The following UGT1A4 variants were observed in gnomAD, a reference collection of about 807,000 sequenced individuals.
UGT1A4 encodes the protein UDP glucuronosyltransferase family 1 member A4.
In UGT1A4, 32 loss-of-function variants were observed where a neutral mutation model predicts 41.1. The observed-to-expected ratio is 0.78, with a 90% confidence interval of 0.59 to 1.05. UGT1A4 has a LOEUF of 1.05. UGT1A4 is among the 50% of genes least tolerant of loss of function. UGT1A4 has a pLI of 0.00. For synonymous variants in UGT1A4, 283 were observed against 265.1 expected (o/e 1.07, Z -0.66); for missense variants, 748 against 677.4 (o/e 1.10, Z -1.16).
chr2:233,763,832 A>C (rs1698407491), intron 1 of UGT1A4, among the ~76,000 whole-genome samples: 2 of 152,232 alleles, frequency 1.3e-5, no homozygotes, highest in South Asian at 4.1e-4. Context: ...CTCCCCTGCC[A>C]GGGTAAGATA....
chr2:233,745,337 C>G lies in UGT1A4; in HGVS notation c.868-21697C>G, dbSNP rs1050113231. Reference sequence around the variant, plus strand: ...TCCACTAGAACTGCTATATCATGACCATGAATTTTGGGGGAATTTTTTTGA... The same window carrying G: ...TCCACTAGAACTGCTATATCATGACGATGAATTTTGGGGGAATTTTTTTGA... On this transcript the variant is annotated intron_variant, in intron 1 of 4. Coordinates refer to ENST00000373409, the MANE Select transcript of UGT1A4 (RefSeq NM_007120.3). 2.3e-4 allele frequency among the ~76,000 whole-genome samples: 35 copies of G among 151,944 alleles called. 1 individual carries two copies. Among genetic ancestry groups the G allele is most frequent in the African/African-American group, 8.2e-4 (34 of 41,228 alleles).
chr2:233,736,822 C>T (rs1336018032), intron 1 of UGT1A4, among the ~76,000 whole-genome samples: 1 of 152,216 alleles, frequency 6.6e-6, no homozygotes, highest in Non-Finnish European at 1.5e-5. Flanking sequence ...ACTCCAGATG[C>T]TCTTTGCTTT....
At chr2:233,765,091 C>T (rs1473276364) in intron 1 of UGT1A4, among the ~76,000 whole-genome samples, 1 of 152,110 alleles carries the variant, frequency 6.6e-6, no homozygotes, top group Non-Finnish European at 1.5e-5. Context: ...TCTAGGGTGA[C>T]CAGCATCCTG....
At chr2:233,759,644 C>A (rs34916116) in intron 1 of UGT1A4, among the ~76,000 whole-genome samples, 5,494 of 124,518 alleles carry the variant, frequency 0.044, 131 homozygotes, top group Non-Finnish European at 0.061. Flanking sequence ...TAGCATGCTT[C>A]ACGATTTCTA....
At chr2:233,771,613 G>GT (rs1296922590) in intron 4 of UGT1A4, 10 of 152,180 alleles carry the variant, frequency 6.6e-5, no homozygotes, top group Non-Finnish European at 1.2e-4. Flanking sequence ...AATTTCTGAC[G>GT]TGACATTTTC....
At chr2:233,758,324 A>G (rs1465079880) in intron 1 of UGT1A4, among the ~76,000 whole-genome samples, 5 of 152,226 alleles carry the variant, frequency 3.3e-5, no homozygotes, top group Admixed American at 3.3e-4. Context: ...AAGCAGCCTC[A>G]AAAAGCTTGG....
At chr2:233,727,866 T>A (rs1246200452) in intron 1 of UGT1A4, among the ~76,000 whole-genome samples, 1 of 152,128 alleles carries the variant, frequency 6.6e-6, no homozygotes, top group Non-Finnish European at 1.5e-5. Flanking sequence ...AAGGGAAGCC[T>A]CAGCCTCACC....
intron 1 of UGT1A4, among the ~76,000 whole-genome samples, chr2:233,752,099 T>C (rs947761592): frequency 1.3e-5 from 2 of 152,204 alleles, no homozygotes; most frequent in Admixed American, 1.3e-4. Context: ...AGACAGAAAG[T>C]AGAATCAGAG....
Position 233,744,040 on chromosome 2 carries a change from C to A in UGT1A4, c.868-22994C>A. 9 of 766,390 alleles carry A rather than the reference C, an allele frequency of 1.2e-5. No individual in the cohort carries two copies. In the South Asian group the frequency reaches 1.4e-4, roughly 12 times the overall value. 47.5% of individuals were successfully genotyped at this position (766,390 alleles called of 1,614,324 possible). On this transcript the variant is annotated intron_variant, in intron 1 of 4. Transcript: ENST00000373409. ...TGGAGAGACGCCCCTTATGACGCAG[C>A]CACATCTCATTGGTCGAGGCCTATG...
intron 1 of UGT1A4, chr2:233,754,923 C>G (rs1466218732): frequency 7.4e-7 from 1 of 1,349,888 alleles, no homozygotes; most frequent in Non-Finnish European, 9.9e-7. Flanking sequence ...CAGCGGGTTT[C>G]CCAAGAGGTC....
In UGT1A4 at chr2:233,771,027, G is replaced by C. The variant is rs186703216; in HGVS notation, c.1308-1235G>C. On this transcript the variant is annotated intron_variant, in intron 4 of 4. Transcript: ENST00000373409. ...CAAAAGCAGGAGCGAGAGAGAGTTG[G>C]GGGGGAAGGTGCCACACACTTTTTA... is the stretch of plus-strand genomic sequence containing the variant. The C allele has an allele frequency of 5.9e-5, 9 of 152,196 alleles. No homozygotes were observed. The East Asian group carries it at 1.4e-3, about 23-fold the overall frequency. The allele number at this position is 152,196 out of a possible 1,614,324, so 9.4% of individuals were successfully genotyped here. A position where few individuals can be genotyped will look rare whatever the true frequency, so the allele number is the denominator to read the frequency against.
chr2:233,733,686 T>A (rs1338920576), intron 1 of UGT1A4, among the ~76,000 whole-genome samples: 1 of 152,244 alleles, frequency 6.6e-6, no homozygotes, highest in African/African-American at 2.4e-5. Context: ...AACTTTTTGA[T>A]GTGCTGCTGG....
At chr2:233,740,765 C>T (rs894944360) in intron 1 of UGT1A4, 8 of 151,662 alleles carry the variant, frequency 5.3e-5, no homozygotes, top group South Asian at 2.1e-4. Context: ...CTTATCAAAC[C>T]GTTGTATAAA....
chr2:233,756,289 G>GTATT (rs914898578), intron 1 of UGT1A4: 1 of 152,128 alleles, frequency 6.6e-6, no homozygotes, highest in African/African-American at 2.4e-5. Context: ...AAATGACACA[G>GTATT]TATTTGTATA....
chr2:233,765,939 C>T (rs570894932), intron 1 of UGT1A4, among the ~76,000 whole-genome samples: 8 of 152,214 alleles, frequency 5.3e-5, no homozygotes, highest in African/African-American at 1.7e-4. Flanking sequence ...GGTTGTGGGG[C>T]TCTGACCTCA....
chr2:233,755,430 C>T (rs1467633549), intron 1 of UGT1A4: 1 of 318,494 alleles, frequency 3.1e-6, no homozygotes, highest in African/African-American at 2.2e-5. Flanking sequence ...GCCTCGCATC[C>T]CAAGATGCAG....
At chr2:233,752,950 A>G (rs1198772139) in intron 1 of UGT1A4, among the ~76,000 whole-genome samples, 1 of 152,220 alleles carries the variant, frequency 6.6e-6, no homozygotes, top group Non-Finnish European at 1.5e-5. Context: ...ACCACTGAAC[A>G]ATGGGATTTA....
At position 233,768,158 on chromosome 2, in the gene UGT1A4, A is replaced by AGAACCTAGG. The variant is rs1559415093; in HGVS notation, c.1088-62_1088-61insGAACCTAGG. The AGAACCTAGG allele has an allele frequency of 1.9e-6, 3 of 1,613,074 alleles. No homozygotes were observed. In the African/African-American group the frequency reaches 4.0e-5, roughly 22 times the overall value. On this transcript the variant is annotated intron_variant, in intron 3 of 4. Transcript: ENST00000373409. ...TCTTTGGAGTGTTTTCAGAACCTAGATGTGTCCAGCTGTGAAACTCAGAGA... is the reference window on the plus strand; with the variant it reads ...TCTTTGGAGTGTTTTCAGAACCTAGAGAACCTAGGTGTGTCCAGCTGTGAAACTCAGAGA...
intron 1 of UGT1A4, chr2:233,740,547 G>GA (rs1691417394): frequency 6.6e-6 from 1 of 151,824 alleles, no homozygotes; most frequent in Non-Finnish European, 1.5e-5. Flanking sequence ...ACTCCAGCCA[G>GA]AAAAAATGTC....
Sources: allele counts gnomAD v4.1 joint callset (sites outside exome capture counted in the v4.1 genomes callset), GRCh38; gene constraint gnomAD v4.1.1; transcripts MANE v1.5; gene names NCBI Gene and HGNC (gene_info 2026-07-23, HGNC 2026-07-21).